The following ARMH4 variants were observed in gnomAD, a reference collection of about 807,000 sequenced individuals.
ARMH4 encodes the protein armadillo like helical domain containing 4.
In ARMH4, 49 loss-of-function variants were observed where a neutral mutation model predicts 61.9. The observed-to-expected ratio is 0.79, with a 90% confidence interval of 0.63 to 1.00. ARMH4 has a LOEUF of 1.00. Ranked by LOEUF, ARMH4 falls within the 50% of genes least tolerant of loss-of-function variation. The pLI, the probability that ARMH4 is intolerant of heterozygous loss-of-function variation, is 0.00. For synonymous variants in ARMH4, 368 were observed against 341.5 expected, an observed-to-expected ratio of 1.08 and a Z score of -0.85; for missense variants, 934 against 930.0, an observed-to-expected ratio of 1.00 and a Z score of -0.06.
At chr14:58,112,415 C>T (rs1205412236) in intron 4 of ARMH4, among the ~76,000 whole-genome samples, 2 of 151,546 alleles carry the variant, frequency 1.3e-5, no homozygotes, top group African/African-American at 2.4e-5. Flanking sequence ...ATTTAACTAA[C>T]CAAAGACTGA....
chr14:58,128,440 T>C (rs1238010797), intron 4 of ARMH4, among the ~76,000 whole-genome samples: 2 of 152,234 alleles, frequency 1.3e-5, no homozygotes, highest in African/African-American at 4.8e-5. Flanking sequence ...AGCTGCTAAA[T>C]ACAGCCCTCG....
At chr14:58,135,516 T>C (rs998634198) in intron 2 of ARMH4, among the ~76,000 whole-genome samples, 4 of 151,962 alleles carry the variant, frequency 2.6e-5, no homozygotes, top group African/African-American at 9.7e-5. Flanking sequence ...AATGTCAAAA[T>C]GCATAGTATC....
chr14:58,117,821 T>C lies in ARMH4; in HGVS notation c.1831+13691A>G, dbSNP rs977921478. Among the ~76,000 whole-genome samples the C allele has an allele frequency of 4.6e-5, 7 of 152,094 alleles. No individual in the cohort carries two copies. The East Asian group carries it at 9.7e-4, about 21-fold the overall frequency. ...TCACCCAAGCTGGAGTGCAGTGGTA[T>C]GATCACAGTTCACTTCAGCCTCGAA... On this transcript the variant is annotated intron_variant, in intron 4 of 7. Transcript: ENST00000267485.
chr14:58,081,326 G>C (rs1885219104), intron 5 of ARMH4, among the ~76,000 whole-genome samples: 1 of 151,900 alleles, frequency 6.6e-6, no homozygotes, highest in African/African-American at 2.4e-5. Flanking sequence ...GATCCCCAGG[G>C]GGATCTGTGT....
intron 5 of ARMH4, among the ~76,000 whole-genome samples, chr14:58,070,282 CTCTT>C (rs1459186589): frequency 2.0e-5 from 3 of 152,098 alleles, no homozygotes; most frequent in Non-Finnish European, 4.4e-5. Flanking sequence ...GTTAGGTCAC[CTCTT>C]TCTTTGAGTC....
rs368147750 is a variant in ARMH4 at position 58,070,702 on chromosome 14, G to T, written c.2089+26022C>A. On this transcript the variant is annotated intron_variant, in intron 5 of 7. Coordinates refer to ENST00000267485, the MANE Select transcript of ARMH4 (RefSeq NM_001001872.4). The stretch of plus-strand genomic sequence containing the variant: ...ATCCCCTCAAGCTTTTATCCTTTGA[G>T]TGACAAACAGTCCAATTACACTCTT... 3.9e-5 allele frequency among the ~76,000 whole-genome samples: 6 copies of T among 152,286 alleles called. No homozygotes were observed. In the East Asian group the frequency reaches 9.6e-4, roughly 24 times the overall value.
chr14:58,028,900 G>A (rs192728943), intron 5 of ARMH4, among the ~76,000 whole-genome samples: 7 of 152,222 alleles, frequency 4.6e-5, no homozygotes, highest in African/African-American at 1.7e-4. Flanking sequence ...AGGTGTTTTT[G>A]GTTTTTAATT....
intron 3 of ARMH4, among the ~76,000 whole-genome samples, chr14:58,132,243 A>G (rs917508494): frequency 6.6e-6 from 1 of 152,214 alleles, no homozygotes; most frequent in African/African-American, 2.4e-5. Context: ...TGAAAACTTC[A>G]CTGCCTTTAA....
chr14:58,055,504 T>A (rs539135849), intron 5 of ARMH4, among the ~76,000 whole-genome samples: 1 of 152,326 alleles, frequency 6.6e-6, no homozygotes, highest in African/African-American at 2.4e-5. Context: ...CACTGTAATA[T>A]GAGGCAACAT....
intron 5 of ARMH4, among the ~76,000 whole-genome samples, chr14:58,095,576 T>C (rs531984610): frequency 1.1e-4 from 16 of 152,210 alleles, no homozygotes; most frequent in Non-Finnish European, 2.2e-4. Flanking sequence ...TTTAAAGTAA[T>C]CATTGCCCAA....
chr14:58,053,534 C>T (rs1196051290), intron 5 of ARMH4, among the ~76,000 whole-genome samples: 4 of 152,230 alleles, frequency 2.6e-5, no homozygotes, highest in African/African-American at 4.8e-5. Context: ...CTATATATCT[C>T]GGTTCATAAA....
At chr14:58,102,889 T>C (rs1442456374) in intron 4 of ARMH4, among the ~76,000 whole-genome samples, 1 of 149,006 alleles carries the variant, frequency 6.7e-6, no homozygotes, top group African/African-American at 2.5e-5. Flanking sequence ...ATCCCAGCAC[T>C]TTGGGAGGCC....
At chr14:58,008,288 C>T (rs527938242) in intron 6 of ARMH4, among the ~76,000 whole-genome samples, 1 of 152,210 alleles carries the variant, frequency 6.6e-6, no homozygotes, top group South Asian at 2.1e-4. Flanking sequence ...AATGATAAAG[C>T]ACATGGGGTA....
At chr14:58,077,855 C>T (rs965114116) in intron 5 of ARMH4, among the ~76,000 whole-genome samples, 2 of 152,210 alleles carry the variant, frequency 1.3e-5, no homozygotes, top group East Asian at 3.8e-4. Context: ...AACCACATTG[C>T]TACTTAAAAT....
chr14:58,003,715 C>CAGA lies in ARMH4; in HGVS notation c.*1020_*1021insTCT, dbSNP rs1882058925. The stretch of plus-strand genomic sequence containing the variant: ...CCATGAGCTCTGTTGTTCACCAGGA[C>CAGA]TCTGGCCACTGGGCAGACAAACGAT... On this transcript the variant is annotated 3_prime_UTR_variant, in exon 8 of 8. Coordinates refer to ENST00000267485, the MANE Select transcript of ARMH4 (RefSeq NM_001001872.4). 1 of 152,208 alleles carries CAGA rather than the reference C, an allele frequency of 6.6e-6. No individual in the cohort carries two copies. Among genetic ancestry groups the CAGA allele is most frequent in the Non-Finnish European group, 1.5e-5 (1 of 68,050 alleles). 9.4% of individuals were successfully genotyped at this position (152,208 alleles called of 1,614,324 possible). A position where few individuals can be genotyped will look rare whatever the true frequency, so the allele number is the denominator to read the frequency against.
intron 5 of ARMH4, among the ~76,000 whole-genome samples, chr14:58,019,548 C>T (rs1170326987): frequency 1.3e-5 from 2 of 152,066 alleles, no homozygotes; most frequent in Admixed American, 6.6e-5. Context: ...GAACAAAAAA[C>T]GTGTGAAGAT....
Position 58,087,107 on chromosome 14 carries a change from G to A in ARMH4, c.2089+9617C>T, listed in dbSNP as rs577237796. 3.9e-5 allele frequency among the ~76,000 whole-genome samples: 6 copies of A among 152,236 alleles called. No individual in the cohort carries two copies. The East Asian group carries it at 1.2e-3, about 29-fold the overall frequency. ...GAACTGTTGGCTCCTCTAATTTCCT[G>A]ATTTAAATCTCTGATTCCTTGTTTT... On this transcript the variant is annotated intron_variant, in intron 5 of 7. Transcript: ENST00000267485.
intron 5 of ARMH4, among the ~76,000 whole-genome samples, chr14:58,016,075 T>G (rs1013480619): frequency 6.6e-6 from 1 of 152,030 alleles, no homozygotes; most frequent in African/African-American, 2.4e-5. Context: ...AAAGCTTTAT[T>G]AAGGTTAAAA....
chr14:58,043,169 C>G (rs1222804544), intron 5 of ARMH4, among the ~76,000 whole-genome samples: 1 of 152,088 alleles, frequency 6.6e-6, no homozygotes, highest in Non-Finnish European at 1.5e-5. Flanking sequence ...AATTTTAGAC[C>G]AATATCCCTG....
Sources: allele counts gnomAD v4.1 joint callset (sites outside exome capture counted in the v4.1 genomes callset), GRCh38; gene constraint gnomAD v4.1.1; transcripts MANE v1.5; gene names NCBI Gene and HGNC (gene_info 2026-07-23, HGNC 2026-07-21).